Variants in UNC13C observed in about 807,000 individuals in gnomAD.
UNC13C encodes the protein protein unc-13 homolog C.
A neutral mutation model predicts 245.4 loss-of-function variants in UNC13C; 174 were observed. The ratio of observed to expected loss-of-function variants is 0.71; its 90% CI spans 0.63 to 0.80. The LOEUF is 0.80. Ranked by LOEUF, UNC13C falls within the 30% of genes least tolerant of loss-of-function variation. UNC13C has a pLI of 0.00. For synonymous variants in UNC13C, 992 were observed against 895.1 expected, an observed-to-expected ratio of 1.11 and a Z score of -1.93; for missense variants, 2,829 against 2,602.9, an observed-to-expected ratio of 1.09 and a Z score of -1.89.
chr15:54,434,830 A>G (rs964912104), intron 19 of UNC13C, among the ~76,000 whole-genome samples: 1 of 152,162 alleles, frequency 6.6e-6, no homozygotes, highest in African/African-American at 2.4e-5. Flanking sequence ...TTTGCAATCT[A>G]TCCATCTGAC....
At chr15:54,559,058 G>A (rs533910379) in intron 29 of UNC13C, among the ~76,000 whole-genome samples, 1 of 151,922 alleles carries the variant, frequency 6.6e-6, no homozygotes, top group Non-Finnish European at 1.5e-5. Context: ...GCCTGAACAT[G>A]ACACTACATT....
chr15:53,906,929 AACTC>A, the UNC13C span, among the ~76,000 whole-genome samples: 2 of 152,150 alleles, frequency 1.3e-5, no homozygotes, highest in African/African-American at 4.8e-5. Flanking sequence ...GTCTCGTGAG[AACTC>A]ACTCACGATC....
the UNC13C span, among the ~76,000 whole-genome samples, chr15:53,962,323 T>A: frequency 6.6e-6 from 1 of 152,184 alleles, no homozygotes; most frequent in Non-Finnish European, 1.5e-5. Context: ...CAGCACAGAC[T>A]TAAATACACT....
At chr15:54,376,091 A>T (rs1283805101) in intron 17 of UNC13C, among the ~76,000 whole-genome samples, 4 of 152,142 alleles carry the variant, frequency 2.6e-5, no homozygotes, top group Admixed American at 1.3e-4. Context: ...CCTGGAGAAG[A>T]GACATTGAAT....
chr15:54,580,408 A>G (rs1898147539), intron 30 of UNC13C, among the ~76,000 whole-genome samples: 2 of 152,246 alleles, frequency 1.3e-5, no homozygotes, highest in Admixed American at 1.3e-4. Context: ...CCAACCTTGT[A>G]CAAACCTCTG....
chr15:54,075,681 C>A (rs2414271), intron 2 of UNC13C, among the ~76,000 whole-genome samples: 71,184 of 151,482 alleles, frequency 0.47, 18,635 homozygotes, highest in Non-Finnish European at 0.6. Flanking sequence ...ATACTATTAG[C>A]AGTATTGAGC....
the UNC13C span, among the ~76,000 whole-genome samples, chr15:53,954,414 T>C: frequency 2.0e-5 from 3 of 152,206 alleles, no homozygotes; most frequent in East Asian, 5.8e-4. Flanking sequence ...ACCTGGTATT[T>C]GCCAAGGAAG....
At chr15:54,591,835 G>C (rs1332032676) in intron 30 of UNC13C, among the ~76,000 whole-genome samples, 3 of 151,792 alleles carry the variant, frequency 2.0e-5, no homozygotes, top group African/African-American at 7.3e-5. Context: ...CTTCTGCTGG[G>C]TTTGGGTTTG....
chr15:54,192,325 T>C (rs190095294), intron 4 of UNC13C, among the ~76,000 whole-genome samples: 4 of 152,234 alleles, frequency 2.6e-5, no homozygotes, highest in Non-Finnish European at 5.9e-5. Context: ...ATTGTTGTTG[T>C]TGTTCTGTCA....
At chr15:54,021,165 C>G (rs1895888452) in intron 2 of UNC13C, among the ~76,000 whole-genome samples, 1 of 152,004 alleles carries the variant, frequency 6.6e-6, no homozygotes, top group African/African-American at 2.4e-5. Context: ...ATATCCATCA[C>G]CTTACATATT....
At chr15:54,470,489 G>C (rs1177483115) in intron 19 of UNC13C, among the ~76,000 whole-genome samples, 2 of 151,390 alleles carry the variant, frequency 1.3e-5, no homozygotes. Context: ...TATGATTTTA[G>C]GACTTTATCC....
chr15:54,132,127 C>T (rs1046826891), intron 2 of UNC13C, among the ~76,000 whole-genome samples: 6 of 135,778 alleles, frequency 4.4e-5, no homozygotes, highest in African/African-American at 1.8e-4. Flanking sequence ...AGTGCAGTGG[C>T]ACAATCTAGG....
intron 18 of UNC13C, among the ~76,000 whole-genome samples, chr15:54,404,198 T>C (rs1218662054): frequency 2.0e-5 from 3 of 152,210 alleles, no homozygotes; most frequent in Non-Finnish European, 4.4e-5. Flanking sequence ...GAACCATTGC[T>C]TACTTATTTG....
At chr15:54,465,322 C>T (rs1892109316) in intron 19 of UNC13C, among the ~76,000 whole-genome samples, 2 of 151,972 alleles carry the variant, frequency 1.3e-5, no homozygotes, top group Non-Finnish European at 2.9e-5. Context: ...TTCATTTAGC[C>T]AATCCTTTTG....
At chr15:54,112,860 T>C (rs2141178198) in intron 2 of UNC13C, among the ~76,000 whole-genome samples, 1 of 152,298 alleles carries the variant, frequency 6.6e-6, no homozygotes, top group East Asian at 1.9e-4. Context: ...CCCCTAAACA[T>C]TGCTTTCCCC....
chr15:54,446,996 A>G (rs568939632), intron 19 of UNC13C, among the ~76,000 whole-genome samples: 549 of 152,288 alleles, frequency 3.6e-3, no homozygotes, highest in Non-Finnish European at 5.9e-3. Context: ...AGTTTTTAGC[A>G]TGAAGGGCTG....
intron 17 of UNC13C, among the ~76,000 whole-genome samples, chr15:54,379,616 A>G (rs1476972078): frequency 6.6e-6 from 1 of 152,114 alleles, no homozygotes; most frequent in East Asian, 1.9e-4. Flanking sequence ...CCATATTTTC[A>G]GTTATCCTGA....
At chr15:54,443,626 A>C (rs1228232334) in intron 19 of UNC13C, among the ~76,000 whole-genome samples, 2 of 152,006 alleles carry the variant, frequency 1.3e-5, no homozygotes, top group Non-Finnish European at 1.5e-5. Context: ...TGTTTCAATA[A>C]ACTTTCTGAT....
chr15:53,955,457 A>G, the UNC13C span, among the ~76,000 whole-genome samples: 3 of 152,224 alleles, frequency 2.0e-5, no homozygotes, highest in African/African-American at 7.2e-5. Flanking sequence ...TTAGAAAGAT[A>G]TAAGTAGGAA....
Sources: allele counts gnomAD v4.1 joint callset (sites outside exome capture counted in the v4.1 genomes callset), GRCh38; gene constraint gnomAD v4.1.1; transcripts MANE v1.5; gene names NCBI Gene and HGNC (gene_info 2026-07-23, HGNC 2026-07-21).